Variants in PTPRM observed in about 807,000 individuals in gnomAD.
PTPRM encodes receptor-type tyrosine-protein phosphatase mu.
A neutral mutation model predicts 186.7 loss-of-function variants in PTPRM; 47 were observed. That is an observed-to-expected ratio of 0.25 (90% confidence interval 0.20 to 0.32). PTPRM has a LOEUF of 0.32. Ranked by LOEUF, PTPRM falls within the 10% of genes least tolerant of loss-of-function variation. PTPRM has a pLI of 1.00. For missense variants in PTPRM, 1,494 were observed against 1,865.0 expected (o/e 0.80, Z 3.66); for synonymous variants, 668 against 674.9 (o/e 0.99, Z 0.16).
rs377313314 is a variant in PTPRM, at chr18:7,874,543, T to C, written c.197-13563T>C. Among the ~76,000 whole-genome samples the C allele has an allele frequency of 1.1e-4, 16 of 150,544 alleles. No individual in the cohort carries two copies. In the East Asian group the frequency reaches 2.1e-3, roughly 20 times the overall value. On this transcript the variant is annotated intron_variant, in intron 2 of 32. Coordinates refer to ENST00000580170, the MANE Select transcript of PTPRM (RefSeq NM_001105244.2). ...AATGAAATTTTTAAAGTGGTTATGC[T>C]AGAGGCAAAAAAAAAAGAGAGAGAG...
chr18:7,832,435 GT>G (rs2045809221), intron 2 of PTPRM, among the ~76,000 whole-genome samples: 1 of 150,896 alleles, frequency 6.6e-6, no homozygotes, highest in Non-Finnish European at 1.5e-5. Flanking sequence ...CTTTTGAGAC[GT>G]GTCTATTAAA....
intron 29 of PTPRM, among the ~76,000 whole-genome samples, chr18:8,384,243 A>G (rs1008944121): frequency 1.3e-5 from 2 of 152,182 alleles, no homozygotes; most frequent in Non-Finnish European, 2.9e-5. Flanking sequence ...GGATCACTGG[A>G]GAAGAGGGCT....
chr18:8,134,892 C>CA (rs1337627116), intron 13 of PTPRM, among the ~76,000 whole-genome samples: 1 of 152,174 alleles, frequency 6.6e-6, no homozygotes. Flanking sequence ...GCTTCACAGT[C>CA]AGACACCCTG....
chr18:8,103,085 A>C (rs1250106281), intron 11 of PTPRM, among the ~76,000 whole-genome samples: 3 of 152,180 alleles, frequency 2.0e-5, no homozygotes, highest in African/African-American at 4.8e-5. Flanking sequence ...AGTAAACCAT[A>C]CTGTAAATAG....
At chr18:8,402,294 G>A (rs1040106038) in intron 32 of PTPRM, among the ~76,000 whole-genome samples, 3 of 152,108 alleles carry the variant, frequency 2.0e-5, no homozygotes, top group African/African-American at 7.2e-5. Flanking sequence ...AGAATCTATG[G>A]GGACTGGGTG....
intron 19 of PTPRM, among the ~76,000 whole-genome samples, chr18:8,285,517 T>C (rs904660956): frequency 2.0e-5 from 3 of 152,230 alleles, no homozygotes; most frequent in Non-Finnish European, 2.9e-5. Flanking sequence ...TTCCCGTTAG[T>C]TGTCGTTCAA....
chr18:8,377,611 G>C (rs376604857), intron 26 of PTPRM: 1 of 151,898 alleles, frequency 6.6e-6, no homozygotes, highest in Admixed American at 6.6e-5. Flanking sequence ...AGAAAAAACC[G>C]AATTAACTGT....
At chr18:8,393,156 C>T (rs2095825604) in intron 31 of PTPRM, among the ~76,000 whole-genome samples, 1 of 152,196 alleles carries the variant, frequency 6.6e-6, no homozygotes, top group South Asian at 2.1e-4. Context: ...GAAAATCTGG[C>T]AGACACCATC....
intron 5 of PTPRM, among the ~76,000 whole-genome samples, chr18:7,948,710 A>G (rs912428270): frequency 2.0e-5 from 3 of 152,182 alleles, no homozygotes; most frequent in African/African-American, 7.2e-5. Context: ...AATAGGGAGT[A>G]CTCTAAAACC....
intron 5 of PTPRM, among the ~76,000 whole-genome samples, chr18:7,929,063 T>G (rs1201923444): frequency 6.6e-6 from 1 of 152,196 alleles, no homozygotes; most frequent in African/African-American, 2.4e-5. Flanking sequence ...GTCTTGTCTA[T>G]TTCCAGATTC....
rs2082728098 is a variant in PTPRM, at chr18:7,984,557, CATATATATATGCCCCATATATATATATAT to C, written c.1132+29154_1132+29182del. Among the ~76,000 whole-genome samples, 3 of 119,572 alleles carry C rather than the reference CATATATATATGCCCCATATATATATATAT, an allele frequency of 2.5e-5. No homozygotes were observed. In the East Asian group the frequency reaches 6.8e-4, roughly 27 times the overall value. The allele number at this position is 119,572 out of a possible 152,430, so 78.4% of individuals were successfully genotyped here. ...TTGTGGGTAGTATACATATATGCCCCATATATATATGCCCCATATATATATATATATATATATATATATATACACACACA... is the reference window on the plus strand; with the variant it reads ...TTGTGGGTAGTATACATATATGCCCCATATATATATATATATACACACACA... On this transcript the variant is annotated intron_variant, in intron 7 of 32. Transcript: ENST00000580170.
At chr18:8,211,377 C>CTTTTTTTTTTT (rs970926126) in intron 14 of PTPRM, among the ~76,000 whole-genome samples, 199 of 87,234 alleles carry the variant, frequency 2.3e-3, no homozygotes, top group Non-Finnish European at 2.7e-3. Flanking sequence ...GTCTCTTCTT[C>CTTTTTTTTTTT]TTTTTTTTTT....
intron 32 of PTPRM, among the ~76,000 whole-genome samples, chr18:8,396,768 T>C (rs1222810623): frequency 6.6e-6 from 1 of 152,238 alleles, no homozygotes; most frequent in Non-Finnish European, 1.5e-5. Flanking sequence ...GAGAAAACTA[T>C]GTGACATATC....
Position 8,397,279 on chromosome 18 carries a change from C to G in PTPRM, c.4344+2668C>G, listed in dbSNP as rs184061404. Among the ~76,000 whole-genome samples the G allele has an allele frequency of 3.3e-3, 503 of 152,356 alleles. 3 individuals are homozygous for G. Among genetic ancestry groups the G allele is most frequent in the African/African-American group, 0.012 (492 of 41,586 alleles). Reference sequence around the variant, plus strand: ...AGGCAAATGCTACCGCTCTACCCTCCCTGCCAGGGCGGGTGAGCACACAGA... The same window carrying G: ...AGGCAAATGCTACCGCTCTACCCTCGCTGCCAGGGCGGGTGAGCACACAGA... On this transcript the variant is annotated intron_variant, in intron 32 of 32. Transcript: ENST00000580170.
chr18:8,045,121 C>T (rs1461560006), intron 7 of PTPRM, among the ~76,000 whole-genome samples: 3 of 152,142 alleles, frequency 2.0e-5, no homozygotes. Flanking sequence ...CCAAGGCAGG[C>T]TGATTACTTG....
intron 19 of PTPRM, among the ~76,000 whole-genome samples, chr18:8,272,432 A>AT (rs1276929677): frequency 1.3e-5 from 2 of 151,526 alleles, no homozygotes; most frequent in African/African-American, 2.4e-5. Flanking sequence ...GAGAGTATTG[A>AT]TTTTTCCTCT....
chr18:7,859,216 AAATATGTAT>A (rs1485416600), intron 2 of PTPRM, among the ~76,000 whole-genome samples: 2 of 152,180 alleles, frequency 1.3e-5, no homozygotes, highest in African/African-American at 4.8e-5. Flanking sequence ...TATATATGAT[AAATATGTAT>A]TATGTATATT....
At chr18:7,884,953 G>GAAAAAAAAAAAAA (rs2048708561) in intron 2 of PTPRM, among the ~76,000 whole-genome samples, 28 of 110,510 alleles carry the variant, frequency 2.5e-4, no homozygotes, top group South Asian at 1.0e-3. Context: ...AAAAAAAAAG[G>GAAAAAAAAAAAAA]AGAGAGAGAA....
chr18:8,133,461 G>A (rs1041635714), intron 13 of PTPRM, among the ~76,000 whole-genome samples: 2 of 152,142 alleles, frequency 1.3e-5, no homozygotes, highest in African/African-American at 4.8e-5. Context: ...CAAAATAACT[G>A]AACTTGAGTT....
Sources: allele counts gnomAD v4.1 joint callset (sites outside exome capture counted in the v4.1 genomes callset), GRCh38; gene constraint gnomAD v4.1.1; transcripts MANE v1.5; gene names NCBI Gene and HGNC (gene_info 2026-07-23, HGNC 2026-07-21).